ZNF532: variants seen among roughly 807,000 people sequenced by gnomAD.
The protein encoded by ZNF532 is zinc finger protein 532.
ZNF532 carries 22 observed loss-of-function variants against 89.3 expected under a neutral mutation model. That is an observed-to-expected ratio of 0.25 (90% CI 0.18 to 0.35). The LOEUF (loss-of-function observed/expected upper bound fraction) is 0.35, where lower values mean the gene tolerates loss of function less well. ZNF532 is among the 10% of genes least tolerant of loss of function. ZNF532 has a pLI of 1.00. For missense variants in ZNF532, 1,132 were observed against 1,643.4 expected, an observed-to-expected ratio of 0.69 and a Z score of 5.38; for synonymous variants, 606 against 649.6, an observed-to-expected ratio of 0.93 and a Z score of 1.02.
intron 9 of ZNF532, among the ~76,000 whole-genome samples, chr18:58,982,354 C>G (rs1266237964): frequency 6.6e-6 from 1 of 151,764 alleles, no homozygotes; most frequent in Non-Finnish European, 1.5e-5. Flanking sequence ...GACACAGTGG[C>G]TCATGCCTGT....
chr18:58,914,582 A>G (rs2060478743), intron 2 of ZNF532, among the ~76,000 whole-genome samples: 1 of 152,228 alleles, frequency 6.6e-6, no homozygotes, highest in African/African-American at 2.4e-5. Flanking sequence ...CGGGAGGCTG[A>G]GGCAGGAGAA....
chr18:58,966,738 G>GTTTTGTTTTT (rs2065949156), intron 7 of ZNF532, among the ~76,000 whole-genome samples: 6 of 125,992 alleles, frequency 4.8e-5, no homozygotes, highest in Non-Finnish European at 5.2e-5. Context: ...ATTTTTTTGT[G>GTTTTGTTTTT]TTTTTTTTTT....
At chr18:58,880,186 A>G (rs1295705523) in intron 2 of ZNF532, among the ~76,000 whole-genome samples, 2 of 152,230 alleles carry the variant, frequency 1.3e-5, no homozygotes, top group African/African-American at 4.8e-5. Flanking sequence ...GTCTGGCTCG[A>G]TAGACACTTG....
At chr18:58,930,258 A>G in intron 3 of ZNF532, among the ~76,000 whole-genome samples, 1 of 152,158 alleles carries the variant, frequency 6.6e-6, no homozygotes, top group Admixed American at 6.5e-5. Flanking sequence ...GCCAGAATGT[A>G]CCTGGTTCCC....
Position 58,948,226 on chromosome 18 carries a change from C to A in ZNF532, c.2865C>A (p.Ile955=), listed in dbSNP as rs1009518657. The A allele has an allele frequency of 6.2e-7, 1 of 1,608,904 alleles. No individual in the cohort carries two copies. The highest frequency in any genetic ancestry group is 1.7e-5 in the Admixed American group (1 of 59,268). The change falls in exon 6 of 10, where the codon ATC becomes ATA. Residue 955 remains isoleucine (I), a synonymous_variant. Transcript: ENST00000591808. ...AGAAGCAACTTATGATGGACCATAT[C>A]AAGGTGTGTGTGCATCTATCCTCTA... ...YAQKQLMMDH[I]KSMHGTLKSI... is the part of the protein sequence containing the mutation.
chr18:58,881,207 C>CTG (rs1243951477), intron 2 of ZNF532, among the ~76,000 whole-genome samples: 8 of 151,900 alleles, frequency 5.3e-5, no homozygotes, highest in Admixed American at 1.3e-4. Flanking sequence ...AAGTGATTCA[C>CTG]TGCAACCTCT....
chr18:58,979,282 C>T (rs2067422238), intron 8 of ZNF532, 115 bp downstream of exon 8: 5 of 628,300 alleles, frequency 8.0e-6, no homozygotes, highest in Non-Finnish European at 1.3e-5. Context: ...CATTACATTT[C>T]TCAATTGTAT....
chr18:58,945,287 A>G (rs537148201), intron 5 of ZNF532, among the ~76,000 whole-genome samples: 6 of 152,216 alleles, frequency 3.9e-5, no homozygotes, highest in South Asian at 2.1e-4. Flanking sequence ...CTTGGTGGCA[A>G]TGCCTGGGCC....
At position 58,953,621 on chromosome 18, in the gene ZNF532, A is replaced by T. The variant is rs2147045956; in HGVS notation, c.2972A>T (p.Lys991Ile). Residue 991 changes from lysine to isoleucine, a missense_variant, in exon 7 of 10, where the codon AAA (lysine) becomes ATA (isoleucine). Around this residue, in one of 9 missense-constraint regions of ZNF532, gnomAD observed 415 missense variants for 604.8 expected, o/e 0.69. Transcript: ENST00000591808. Reference protein sequence around the residue: ...PATQNSANQNKEDTKSMNGKE... With the variant: ...PATQNSANQNIEDTKSMNGKE... ...ACTCAAAATTCAGCAAATCAGAACA[A>T]AGAGGACACCAAATCCATGAATGGG... is the stretch of plus-strand genomic sequence containing the variant. 1 of 1,613,994 alleles carries T rather than the reference A, an allele frequency of 6.2e-7. No individual in the cohort carries two copies. The highest frequency in any genetic ancestry group is 2.2e-5 in the East Asian group (1 of 44,888).
At chr18:58,964,259 A>T (rs981996653) in intron 7 of ZNF532, 3 of 152,092 alleles carry the variant, frequency 2.0e-5, no homozygotes, top group Admixed American at 6.6e-5. Context: ...CAGGTAAAAA[A>T]TTTTTTAAAA....
chr18:58,873,487 C>A (rs73437981), intron 2 of ZNF532, among the ~76,000 whole-genome samples: 30,252 of 151,432 alleles, frequency 0.2, 5,254 homozygotes, highest in East Asian at 0.54. Context: ...CTTGCTCTGT[C>A]GCCCATACTG....
intron 5 of ZNF532, chr18:58,940,442 A>G (rs2062887618): frequency 6.6e-6 from 1 of 152,068 alleles, no homozygotes; most frequent in African/African-American, 2.4e-5. Context: ...TGGAGTCTTT[A>G]ATAATGAAGC....
intron 3 of ZNF532, among the ~76,000 whole-genome samples, chr18:58,931,063 G>A (rs1018181677): frequency 3.9e-5 from 6 of 152,086 alleles, no homozygotes; most frequent in African/African-American, 1.2e-4. Flanking sequence ...CAGTTTAACC[G>A]AGCAAATAAG....
intron 7 of ZNF532, among the ~76,000 whole-genome samples, chr18:58,966,537 G>A (rs1036405868): frequency 2.6e-5 from 4 of 151,800 alleles, no homozygotes; most frequent in African/African-American, 7.3e-5. Flanking sequence ...GAACCATAAG[G>A]TTTGCCCTCT....
intron 7 of ZNF532, among the ~76,000 whole-genome samples, chr18:58,954,751 T>C (rs1445613679): frequency 6.6e-6 from 1 of 151,160 alleles, no homozygotes; most frequent in Non-Finnish European, 1.5e-5. Flanking sequence ...CTCACTCTGT[T>C]GTCCAGGCTG....
intron 2 of ZNF532, among the ~76,000 whole-genome samples, chr18:58,904,762 AGTC>A (rs774120560): frequency 3.9e-5 from 6 of 152,236 alleles, no homozygotes; most frequent in Middle Eastern, 6.8e-3. Flanking sequence ...GGCTGGCTGT[AGTC>A]GTGGAAGATA....
chr18:58,954,826 C>A (rs766322368), intron 7 of ZNF532, among the ~76,000 whole-genome samples: 2 of 151,058 alleles, frequency 1.3e-5, no homozygotes, highest in African/African-American at 2.4e-5. Flanking sequence ...AATTCTCATG[C>A]GTCAGTCTCC....
At chr18:58,968,632 G>A (rs531591255) in intron 7 of ZNF532, among the ~76,000 whole-genome samples, 2 of 152,196 alleles carry the variant, frequency 1.3e-5, no homozygotes, top group Admixed American at 1.3e-4. Flanking sequence ...CAGGTAGAGC[G>A]TAGACATAGA....
At chr18:58,891,753 G>A (rs1429082973) in intron 2 of ZNF532, among the ~76,000 whole-genome samples, 6 of 152,170 alleles carry the variant, frequency 3.9e-5, no homozygotes, top group Non-Finnish European at 7.3e-5. Flanking sequence ...GTTCTGACCA[G>A]TCCTCGTTTT....
Sources: allele counts gnomAD v4.1 joint callset (sites outside exome capture counted in the v4.1 genomes callset), GRCh38; gene constraint gnomAD v4.1.1; regional missense constraint gnomAD v4.1.1; transcripts MANE v1.5; gene names NCBI Gene and HGNC (gene_info 2026-07-23, HGNC 2026-07-21).